DENND4B: variants seen among roughly 807,000 people sequenced by gnomAD.
DENND4B encodes the protein DENN domain containing 4B.
Under a neutral mutation model 161.0 loss-of-function variants are expected in DENND4B, and 67 were observed. The observed-to-expected ratio is 0.42, with a 90% CI of 0.34 to 0.51. The LOEUF is 0.51. Ranked by LOEUF, DENND4B falls within the 20% of genes least tolerant of loss-of-function variation. The pLI, the probability that DENND4B is intolerant of heterozygous loss-of-function variation, is 0.08. For synonymous variants in DENND4B, 753 were observed against 813.8 expected, an observed-to-expected ratio of 0.93 and a Z score of 1.27; for missense variants, 1,481 against 1,968.0, an observed-to-expected ratio of 0.75 and a Z score of 4.68.
intron 11 of DENND4B, 176 bp from the exon 12 acceptor site, chr1:153,939,980 C>CA (rs1360334012): frequency 1.2e-6 from 1 of 810,082 alleles, no homozygotes; most frequent in African/African-American, 1.7e-5. Flanking sequence ...TTCAGGAATA[C>CA]TGTCTGCCCT....
chr1:153,940,274 G>C lies in DENND4B; in HGVS notation c.1503-18C>G. On this transcript the variant is annotated intron_variant, in intron 10 of 27. Coordinates refer to ENST00000361217, the MANE Select transcript of DENND4B (RefSeq NM_014856.3). This position sits in a 1 kb window ranked among gnomAD's most constrained non-coding sequence, Gnocchi z 5.6. ...CCTCAGTCCTGTGAGAAAAGCATAA[G>C]GGGAAAGAGTGGCGAGGCTCTGGGA... The C allele has an allele frequency of 6.3e-7, 1 of 1,584,898 alleles. No individual in the cohort carries two copies. Among genetic ancestry groups the C allele is most frequent in the Non-Finnish European group, 8.6e-7 (1 of 1,165,784 alleles).
Position 153,933,398 on chromosome 1 carries a change from GCC to G in DENND4B, c.3331-81_3331-80del. 2 of 1,606,956 alleles carry G rather than the reference GCC, an allele frequency of 1.2e-6. No individual in the cohort carries two copies. Among genetic ancestry groups the G allele is most frequent in the South Asian group, 2.2e-5 (2 of 90,452 alleles). ...ATATGTGTTTCAAGCACCCCTCAGA[GCC>G]CCCTTTTTGAGCATTCTTCCAGTCG... On this transcript the variant is annotated intron_variant, in intron 20 of 27. Coordinates refer to ENST00000361217, the MANE Select transcript of DENND4B (RefSeq NM_014856.3). This position sits in a 1 kb window ranked among gnomAD's most constrained non-coding sequence, Gnocchi z 5.7.
chr1:153,940,901 C>T lies in DENND4B; in HGVS notation c.1326+3G>A, dbSNP rs1679624850. On this transcript the variant is annotated splice_donor_region_variant and intron_variant, in intron 9 of 27. Transcript: ENST00000361217. This position sits in a 1 kb window ranked among gnomAD's most constrained non-coding sequence, Gnocchi z 5.6. ...AAGATGGGCCAGGCGGGGCGGCACT[C>T]ACCGAGACGAGGGCCTCACAGACGC... 4.5e-6 allele frequency: 7 copies of T among 1,565,308 alleles called. No homozygotes were observed. The highest frequency in any genetic ancestry group is 1.4e-5 in the African/African-American group (1 of 72,466).
In DENND4B at chr1:153,932,541, G is replaced by T; in HGVS notation, c.3759+101C>A. 6.4e-7 allele frequency: 1 copy of T among 1,561,212 alleles called. No individual in the cohort carries two copies. The highest frequency in any genetic ancestry group is 8.7e-7 in the Non-Finnish European group (1 of 1,152,394). ...TCCAACAGCTTTTGGGATGCCCCTT[G>T]CCCTCAAGGGCAAGAGATGTGCCCA... On this transcript the variant is annotated intron_variant, in intron 23 of 27. Coordinates refer to ENST00000361217, the MANE Select transcript of DENND4B (RefSeq NM_014856.3). This position sits in a 1 kb window ranked among gnomAD's most constrained non-coding sequence, Gnocchi z 5.8.
rs772116210 is a variant in DENND4B at position 153,933,454 on chromosome 1, A to G, written c.3330+29T>C. On this transcript the variant is annotated intron_variant, in intron 20 of 27. Transcript: ENST00000361217. The surrounding 1 kb of genome is among the most constrained non-coding windows in gnomAD (Gnocchi z 5.7). ...CCCCTCCCCAAGCCCACTAATGCTA[A>G]GGCATCTGGACCCTCCTTCACTGGC... The G allele has an allele frequency of 4.9e-5, 78 of 1,582,564 alleles. 1 individual carries two copies. The highest frequency in any genetic ancestry group is 5.9e-5 in the Non-Finnish European group (69 of 1,164,594).
At position 153,946,283 on chromosome 1, in the gene DENND4B, G is replaced by C. The variant is rs1342135918; in HGVS notation, c.-24+18C>G. Reference sequence around the variant, plus strand: ...CCCGTCCCCGCCTGCCGCCCAGCCCGGTCCAGCCCCTACCTGCCTGTCCCG... The same window carrying C: ...CCCGTCCCCGCCTGCCGCCCAGCCCCGTCCAGCCCCTACCTGCCTGTCCCG... On this transcript the variant is annotated intron_variant, in intron 1 of 27. Transcript: ENST00000361217. The surrounding 1 kb of genome is among the most constrained non-coding windows in gnomAD (Gnocchi z 6.3). The C allele has an allele frequency of 2.9e-6, 1 of 347,326 alleles. No individual in the cohort carries two copies. The highest frequency in any genetic ancestry group is 4.3e-5 in the East Asian group (1 of 23,142). 21.5% of individuals were successfully genotyped at this position (347,326 alleles called of 1,614,324 possible).
In DENND4B at chr1:153,930,221, C is replaced by G; in HGVS notation, c.*76G>C. On this transcript the variant is annotated 3_prime_UTR_variant, in exon 28 of 28. Coordinates refer to ENST00000361217, the MANE Select transcript of DENND4B (RefSeq NM_014856.3). This position sits in a 1 kb window ranked among gnomAD's most constrained non-coding sequence, Gnocchi z 4.7. Reference sequence around the variant, plus strand: ...CCTGTTCCCAACTCCATGAAGGCAACAGGGAAGCAGTTTAACTCTAGAATC... The same window carrying G: ...CCTGTTCCCAACTCCATGAAGGCAAGAGGGAAGCAGTTTAACTCTAGAATC... 1 of 1,520,100 alleles carries G rather than the reference C, an allele frequency of 6.6e-7. No homozygotes were observed. Among genetic ancestry groups the G allele is most frequent in the South Asian group, 1.3e-5 (1 of 78,886 alleles). The allele number at this position is 1,520,100 out of a possible 1,614,324, so 94.2% of individuals were successfully genotyped here. A position where few individuals can be genotyped will look rare whatever the true frequency, so the allele number is the denominator to read the frequency against.
At position 153,932,176 on chromosome 1, in the gene DENND4B, G is replaced by GA. The variant is rs1442133910; in HGVS notation, c.3996+27dup. ...GCTGAGAGATGAGGGAGGCACTTAG[G>GA]AAACAGGGGCCACATGGGGGCACTG... On this transcript the variant is annotated intron_variant, in intron 24 of 27. Coordinates refer to ENST00000361217, the MANE Select transcript of DENND4B (RefSeq NM_014856.3). The surrounding 1 kb of genome is among the most constrained non-coding windows in gnomAD (Gnocchi z 5.8). 4 of 1,594,746 alleles carry GA rather than the reference G, an allele frequency of 2.5e-6. No individual in the cohort carries two copies. The highest frequency in any genetic ancestry group is 3.4e-6 in the Non-Finnish European group (4 of 1,166,014).
At position 153,932,731 on chromosome 1, in the gene DENND4B, G is replaced by A. The variant is rs773529453; in HGVS notation, c.3670C>T (p.Pro1224Ser). ...ACAGGGCCAGGACCACCAGGGACAGGAGCATCTTTGCTGCCACTGGCACCA... is the reference window on the plus strand; with the variant it reads ...ACAGGGCCAGGACCACCAGGGACAGAAGCATCTTTGCTGCCACTGGCACCA... ...SAGASGSKDA[P>S]VPGGPGPVLS... Residue 1224 changes from proline to serine, a missense_variant, in exon 23 of 28, where the codon CCT becomes TCT. This residue lies in a region of DENND4B where 336 missense variants were observed against 503.3 expected (regional missense o/e 0.67). Coordinates refer to ENST00000361217, the MANE Select transcript of DENND4B (RefSeq NM_014856.3). The surrounding 1 kb of genome is among the most constrained non-coding windows in gnomAD (Gnocchi z 5.8). 5.6e-6 allele frequency: 9 copies of A among 1,614,068 alleles called. No homozygotes were observed. Among genetic ancestry groups the A allele is most frequent in the East Asian group, 4.5e-5 (2 of 44,888 alleles).
chr1:153,936,067 T>C lies in DENND4B; in HGVS notation c.2561A>G (p.Tyr854Cys), dbSNP rs771883315. 6.2e-7 allele frequency: 1 copy of C among 1,612,834 alleles called. No individual in the cohort carries two copies. ...TCACCCCAAAGTAGGTACCTTATTG[T>C]AGTAGCCATAGGTGATGGTGTTGGG... is the stretch of plus-strand genomic sequence containing the variant. ...IVPNTITYGYYNKAVLESKWP... is the reference protein window; with the variant it reads ...IVPNTITYGYCNKAVLESKWP... The change falls in exon 17 of 28, where the codon TAC becomes TGC. Residue 854 changes from tyrosine (Y) to cysteine (C), a missense_variant. Physicochemically the swap from Tyr to Cys is radical, Grantham distance 194. This residue lies in a region of DENND4B where 806 missense variants were observed against 1,134.4 expected (regional missense o/e 0.71). Coordinates refer to ENST00000361217, the MANE Select transcript of DENND4B (RefSeq NM_014856.3). This position sits in a 1 kb window ranked among gnomAD's most constrained non-coding sequence, Gnocchi z 4.1.
In DENND4B at chr1:153,933,778, G is replaced by C; in HGVS notation, c.3035C>G (p.Pro1012Arg). The C allele has an allele frequency of 6.2e-7, 1 of 1,610,862 alleles. No homozygotes were observed. Among genetic ancestry groups the C allele is most frequent in the Non-Finnish European group, 8.5e-7 (1 of 1,178,928 alleles). ...GCCCCCTGGGCTGCCTCCAGGGAGC[G>C]GCTCCTCCCCTGTCAGGCTCAGGTC... ...LSDLSLTGEE[P>R]LPGGSPGGSG... is the part of the protein sequence containing the mutation. The change falls in exon 20 of 28, where the codon CCG becomes CGG. Residue 1012 changes from proline (P) to arginine (R), a missense_variant. By Grantham distance (103) the Pro-to-Arg change is moderately radical (BLOSUM62 -2). Coordinates refer to ENST00000361217, the MANE Select transcript of DENND4B (RefSeq NM_014856.3). The surrounding 1 kb of genome is among the most constrained non-coding windows in gnomAD (Gnocchi z 5.7).
chr1:153,935,407 C>T (rs1265978321), intron 17 of DENND4B, among the ~76,000 whole-genome samples: 1 of 152,158 alleles, frequency 6.6e-6, no homozygotes, highest in African/African-American at 2.4e-5. Context: ...AGCGCAGTGG[C>T]GCAATCTTGG....
chr1:153,946,509 G>T lies in DENND4B; in HGVS notation c.-232C>A, dbSNP rs1679982994. 1.0e-5 allele frequency: 4 copies of T among 389,846 alleles called. No homozygotes were observed. The highest frequency in any genetic ancestry group is 1.8e-5 in the Non-Finnish European group (4 of 220,344). The allele number at this position is 389,846 out of a possible 1,614,324, so 24.1% of individuals were successfully genotyped here. A position where few individuals can be genotyped will look rare whatever the true frequency, so the allele number is the denominator to read the frequency against. On this transcript the variant is annotated 5_prime_UTR_variant, in exon 1 of 28. Coordinates refer to ENST00000361217, the MANE Select transcript of DENND4B (RefSeq NM_014856.3). This position sits in a 1 kb window ranked among gnomAD's most constrained non-coding sequence, Gnocchi z 6.3. ...GGAAGGAGATCCGGGCGGTCCCCGCGTCCCCGCCGCGCTGCGCCACGCGGG... is the reference window on the plus strand; with the variant it reads ...GGAAGGAGATCCGGGCGGTCCCCGCTTCCCCGCCGCGCTGCGCCACGCGGG...
intron 11 of DENND4B, 84 bp from the exon 12 acceptor site, chr1:153,939,888 C>A (rs948827042): frequency 1.4e-6 from 2 of 1,382,454 alleles, no homozygotes; most frequent in African/African-American, 1.4e-5. Flanking sequence ...ATCTCCACCT[C>A]CAGCCTCTGG....
chr1:153,939,079 G>C, intron 12 of DENND4B, 34 bp from the exon 13 acceptor site: 1 of 1,606,676 alleles, frequency 6.2e-7, no homozygotes, highest in Non-Finnish European at 8.5e-7. Flanking sequence ...GAGGAGGGGT[G>C]TGACCAGGGC....
chr1:153,943,227 T>C, intron 2 of DENND4B, 97 bp from the exon 3 acceptor site: 1 of 1,498,966 alleles, frequency 6.7e-7, no homozygotes, highest in Non-Finnish European at 9.0e-7. Context: ...TGAACTTGCC[T>C]TGTACCCACA....
At position 153,936,275 on chromosome 1, in the gene DENND4B, A is replaced by G. The variant is rs1409999509; in HGVS notation, c.2440-87T>C. 3 of 1,509,566 alleles carry G rather than the reference A, an allele frequency of 2.0e-6. No homozygotes were observed. The highest frequency in any genetic ancestry group is 2.7e-6 in the Non-Finnish European group (3 of 1,121,374). The allele number at this position is 1,509,566 out of a possible 1,614,324, so 93.5% of individuals were successfully genotyped here. On this transcript the variant is annotated intron_variant, in intron 16 of 27. Transcript: ENST00000361217. This position sits in a 1 kb window ranked among gnomAD's most constrained non-coding sequence, Gnocchi z 4.1. ...CAAGCACCCTCTTCCTGCCTCCCCA[A>G]TTCTCACAGACATCACTGGCCCCTG...
Position 153,934,270 on chromosome 1 carries a change from G to A in DENND4B, c.2806C>T (p.Pro936Ser). ...PYLERPSPTRPLQRQTTWAGR... is the reference protein window; with the variant it reads ...PYLERPSPTRSLQRQTTWAGR... ...GCCCAAGTAGTCTGGCGCTGAAGAG[G>A]GCGAGTAGGGGAAGGGCGCTCCAAA... Residue 936 changes from proline to serine, a missense_variant, in exon 19 of 28, where the codon CCT (proline) becomes TCT (serine). By Grantham distance (74) the Pro-to-Ser change is moderately conservative. Transcript: ENST00000361217. This position sits in a 1 kb window ranked among gnomAD's most constrained non-coding sequence, Gnocchi z 5.3. 6.3e-7 allele frequency: 1 copy of A among 1,595,588 alleles called. No homozygotes were observed. Among genetic ancestry groups the A allele is most frequent in the South Asian group, 1.1e-5 (1 of 88,242 alleles).
In DENND4B at chr1:153,932,240, C is replaced by T; in HGVS notation, c.3960G>A (p.Leu1320=). The part of the protein sequence containing the change: ...RLRLPSILPG[L]VLASCDGPSH... ...AAGGCCCATCACAGGAGGCCAGCAC[C>T]AGGCCTGGTAGAATACTGGGCAGGC... The change falls in exon 24 of 28, where the codon CTG becomes CTA. Residue 1320 remains leucine, a synonymous_variant. Transcript: ENST00000361217. The surrounding 1 kb of genome is among the most constrained non-coding windows in gnomAD (Gnocchi z 5.8). 1 of 1,614,004 alleles carries T rather than the reference C, an allele frequency of 6.2e-7. No homozygotes were observed. The highest frequency in any genetic ancestry group is 8.5e-7 in the Non-Finnish European group (1 of 1,179,884).
Sources: gnomAD v4.1 joint callset for allele counts (sites outside exome capture counted in the v4.1 genomes callset) on GRCh38, gnomAD v4.1.1 for gene constraint, gnomAD v4.1.1 regional missense constraint, Gnocchi (gnomAD v3.1) non-coding constraint, MANE v1.5 for transcripts, NCBI Gene and HGNC (gene_info 2026-07-23, HGNC 2026-07-21) for gene names.